Variants in ABL2 observed in about 807,000 individuals in gnomAD.
ABL2 encodes tyrosine-protein kinase ABL2.
Under a neutral mutation model 107.7 loss-of-function variants are expected in ABL2, and 49 were observed. The ratio of observed to expected loss-of-function variants is 0.45; its 90% CI spans 0.36 to 0.58. The LOEUF is 0.58. ABL2 is among the 20% of genes least tolerant of loss of function. ABL2 has a pLI of 0.00. For synonymous variants in ABL2, 549 were observed against 548.6 expected, an observed-to-expected ratio of 1.00 and a Z score of -0.01; for missense variants, 1,245 against 1,457.0, an observed-to-expected ratio of 0.85 and a Z score of 2.37.
intron 1 of ABL2, among the ~76,000 whole-genome samples, chr1:179,135,616 C>CT (rs1329561186): frequency 6.6e-5 from 10 of 151,322 alleles, no homozygotes; most frequent in Non-Finnish European, 1.0e-4. Context: ...GTCAGCCCCC[C>CT]ACCCGGCCAG....
chr1:179,184,390 C>A, intron 1 of ABL2: 1 of 897,870 alleles, frequency 1.1e-6, no homozygotes, highest in Non-Finnish European at 1.7e-6. Context: ...TCAAGTCAAA[C>A]ACAGAATAAA....
intron 2 of ABL2, among the ~76,000 whole-genome samples, 199 bp downstream of exon 2, chr1:179,133,113 T>A (rs2102672504): frequency 6.6e-6 from 1 of 152,212 alleles, no homozygotes; most frequent in Non-Finnish European, 1.5e-5. Flanking sequence ...CGCCTTGGCC[T>A]CCCAAAGTGC....
At position 179,114,961 on chromosome 1, in the gene ABL2, T is replaced by C. The variant is rs780170918; in HGVS notation, c.1478A>G (p.Gln493Arg). 4 of 1,612,422 alleles carry C rather than the reference T, an allele frequency of 2.5e-6. 1 individual carries two copies. The South Asian group carries it at 4.4e-5, about 18-fold the overall frequency. Reference sequence around the variant, plus strand: ...TCCTTTTTCTAGTAGGTCATAGACCTGAGACAGGTCAATACCTGGATATGG... The same window carrying C: ...TCCTTTTTCTAGTAGGTCATAGACCCGAGACAGGTCAATACCTGGATATGG... The part of the protein sequence containing the change: ...MSPYPGIDLS[Q>R]VYDLLEKGYR... Residue 493 changes from glutamine (Q) to arginine (R), a missense_variant, in exon 9 of 12, where the codon CAG becomes CGG. Transcript: ENST00000502732.
intron 1 of ABL2, among the ~76,000 whole-genome samples, chr1:179,144,329 G>A (rs925321006): frequency 1.3e-5 from 2 of 151,874 alleles, no homozygotes; most frequent in African/African-American, 2.4e-5. Flanking sequence ...GCATGGTGGC[G>A]GGCGCCTGTA....
intron 1 of ABL2, among the ~76,000 whole-genome samples, chr1:179,202,262 C>T (rs953567455): frequency 3.3e-5 from 5 of 152,066 alleles, no homozygotes; most frequent in South Asian, 2.1e-4. Flanking sequence ...AATTAATATG[C>T]AAATTTCCAG....
intron 4 of ABL2, among the ~76,000 whole-genome samples, chr1:179,124,303 A>T (rs1268095605): frequency 6.6e-6 from 1 of 152,024 alleles, no homozygotes. Context: ...ATAAACAGAA[A>T]ATTGATAATT....
intron 5 of ABL2, 140 bp downstream of exon 5, chr1:179,121,455 T>C: frequency 8.8e-7 from 1 of 1,130,000 alleles, no homozygotes; most frequent in Non-Finnish European, 1.3e-6. Context: ...GGCACTAGGG[T>C]TAATCATCTC....
In ABL2 at chr1:179,128,672, G is replaced by A. The variant is rs78111870; in HGVS notation, c.392-2000C>T. Among the ~76,000 whole-genome samples the A allele has an allele frequency of 8.5e-3, 1,288 of 152,192 alleles. 43 individuals carry two copies. Among genetic ancestry groups the A allele is most frequent in the Admixed American group, 0.057 (869 of 15,282 alleles). On this transcript the variant is annotated intron_variant, in intron 3 of 11. Coordinates refer to ENST00000502732, the MANE Select transcript of ABL2 (RefSeq NM_007314.4). ...TTCAAATATTGGCCAAACTGGCAGA[G>A]CAACCCTAGGGAGAACTTTTTTGTT...
rs144729350 is a variant in ABL2, at chr1:179,117,338, C to G, written c.1402G>C (p.Val468Leu). The G allele has an allele frequency of 6.2e-7, 1 of 1,613,926 alleles. No homozygotes were observed. Among genetic ancestry groups the G allele is most frequent in the Non-Finnish European group, 8.5e-7 (1 of 1,179,976 alleles). The change falls in exon 8 of 12, where the codon GTC becomes CTC. Residue 468 changes from valine to leucine, a missense_variant. Transcript: ENST00000502732. ...AAGTCCCTTTCAACCTTACCCCAGACGTCAGATTTAATTGAGAAGGTATTG... is the reference window on the plus strand; with the variant it reads ...AAGTCCCTTTCAACCTTACCCCAGAGGTCAGATTTAATTGAGAAGGTATTG... ...AYNTFSIKSD[V>L]WAFGVLLWEI...
At chr1:179,109,841 T>C (rs770780394) in intron 11 of ABL2, among the ~76,000 whole-genome samples, 1 of 149,322 alleles carries the variant, frequency 6.7e-6, no homozygotes, top group African/African-American at 2.5e-5. Flanking sequence ...GGCAGGAGAA[T>C]GGCGTGAACC....
In ABL2 at chr1:179,100,384, C is replaced by A. The variant is rs779554850; in HGVS notation, c.*7334G>T. On this transcript the variant is annotated 3_prime_UTR_variant, in exon 12 of 12. Transcript: ENST00000502732. ...AGGTTTACTGTTGATGACACTAAAG[C>A]GTTCCCAGTCCTGCAAAACCTTCTG... 5.7e-5 allele frequency: 13 copies of A among 226,688 alleles called. No individual in the cohort carries two copies. The highest frequency in any genetic ancestry group is 9.6e-5 in the Non-Finnish European group (11 of 114,058). The allele number at this position is 226,688 out of a possible 1,614,324, so 14.0% of individuals were successfully genotyped here.
At chr1:179,115,544 A>T (rs966726739) in intron 8 of ABL2, among the ~76,000 whole-genome samples, 2 of 152,100 alleles carry the variant, frequency 1.3e-5, no homozygotes, top group African/African-American at 4.8e-5. Flanking sequence ...TCGCACATAA[A>T]TCATCCTTTT....
intron 1 of ABL2, among the ~76,000 whole-genome samples, chr1:179,133,598 C>T (rs1018659976): frequency 1.3e-5 from 2 of 152,184 alleles, no homozygotes; most frequent in African/African-American, 4.8e-5. Context: ...TCCAGACTAA[C>T]TGGAATGGGT....
At chr1:179,134,445 G>A (rs897939384) in intron 1 of ABL2, among the ~76,000 whole-genome samples, 2 of 152,096 alleles carry the variant, frequency 1.3e-5, no homozygotes, top group Non-Finnish European at 2.9e-5. Flanking sequence ...TGGAGGCTGC[G>A]TGGAGCCTGC....
At chr1:179,226,310 C>CTTT (rs745831850) in intron 1 of ABL2, among the ~76,000 whole-genome samples, 14 of 131,008 alleles carry the variant, frequency 1.1e-4, no homozygotes, top group Non-Finnish European at 1.6e-4. Flanking sequence ...ATTATCCCTA[C>CTTT]TTTTTTTTTT....
chr1:179,153,961 T>C (rs897383293), intron 1 of ABL2, among the ~76,000 whole-genome samples: 1 of 152,214 alleles, frequency 6.6e-6, no homozygotes, highest in African/African-American at 2.4e-5. Context: ...TTGTTGCTAA[T>C]GGCATATCCA....
rs1653436244 is a variant in ABL2 at position 179,105,846 on chromosome 1, C to T, written c.*1872G>A. ...ATATAATCTCAACAATTCTTAATTTCATTAATATTTTCTACTCAGCAAATA... is the reference window on the plus strand; with the variant it reads ...ATATAATCTCAACAATTCTTAATTTTATTAATATTTTCTACTCAGCAAATA... On this transcript the variant is annotated 3_prime_UTR_variant, in exon 12 of 12. Transcript: ENST00000502732. 1 of 225,098 alleles carries T rather than the reference C, an allele frequency of 4.4e-6. No homozygotes were observed. The highest frequency in any genetic ancestry group is 8.8e-6 in the Non-Finnish European group (1 of 113,056). 13.9% of individuals were successfully genotyped at this position (225,098 alleles called of 1,614,324 possible).
At position 179,178,401 on chromosome 1, in the gene ABL2, C is replaced by CAAAAAAAAAAAAAAAAAAAAAA. The variant is rs572438530; in HGVS notation, c.158-45028_158-45027insTTTTTTTTTTTTTTTTTTTTTT. 1.9e-3 allele frequency among the ~76,000 whole-genome samples: 133 copies of CAAAAAAAAAAAAAAAAAAAAAA among 68,576 alleles called. 11 individuals are homozygous for CAAAAAAAAAAAAAAAAAAAAAA. Among genetic ancestry groups the CAAAAAAAAAAAAAAAAAAAAAA allele is most frequent in the Non-Finnish European group, 2.9e-3 (102 of 35,184 alleles). The allele number at this position is 68,576 out of a possible 152,430, so 45.0% of individuals were successfully genotyped here. ...TGGGTGACAGAGCAAGACTCTGCCT[C>CAAAAAAAAAAAAAAAAAAAAAA]AAAAAAAAAAAAAAAAAAATTATTT... is the stretch of plus-strand genomic sequence containing the variant. On this transcript the variant is annotated intron_variant, in intron 1 of 11. Transcript: ENST00000502732.
chr1:179,159,492 T>C (rs563599581), intron 1 of ABL2, among the ~76,000 whole-genome samples: 15 of 152,376 alleles, frequency 9.8e-5, no homozygotes, highest in African/African-American at 3.6e-4. Flanking sequence ...GTTGATTTTC[T>C]GACCATGAAT....
Sources: gnomAD v4.1 joint callset for allele counts (sites outside exome capture counted in the v4.1 genomes callset) on GRCh38, gnomAD v4.1.1 for gene constraint, MANE v1.5 for transcripts, NCBI Gene and HGNC (gene_info 2026-07-23, HGNC 2026-07-21) for gene names.